The following SLC22A3 variants were observed in gnomAD, a reference collection of about 807,000 sequenced individuals.
SLC22A3 encodes the protein solute carrier family 22 member 3.
A neutral mutation model predicts 59.1 loss-of-function variants in SLC22A3; 51 were observed. That is an observed-to-expected ratio of 0.86 (90% CI 0.69 to 1.09). The LOEUF (loss-of-function observed/expected upper bound fraction) is 1.09, where lower values mean the gene tolerates loss of function less well. SLC22A3 is among the 50% of genes least tolerant of loss of function. The pLI is 0.00. For missense variants in SLC22A3, 711 were observed against 726.3 expected, an observed-to-expected ratio of 0.98 and a Z score of 0.24; for synonymous variants, 325 against 292.0, an observed-to-expected ratio of 1.11 and a Z score of -1.15.
At chr6:160,356,144 G>A (rs1026926592) in intron 1 of SLC22A3, among the ~76,000 whole-genome samples, 3 of 152,342 alleles carry the variant, frequency 2.0e-5, no homozygotes, top group Non-Finnish European at 2.9e-5. Context: ...GCCCTCTACC[G>A]ATGGTGTTGC....
chr6:160,368,771 G>T (rs1785294065), intron 1 of SLC22A3, among the ~76,000 whole-genome samples: 1 of 152,168 alleles, frequency 6.6e-6, no homozygotes, highest in African/African-American at 2.4e-5. Flanking sequence ...CCAGGAATAG[G>T]ATTCCTACTC....
chr6:160,389,308 A>G (rs1786151403), intron 1 of SLC22A3, among the ~76,000 whole-genome samples: 1 of 152,134 alleles, frequency 6.6e-6, no homozygotes, highest in East Asian at 1.9e-4. Context: ...GACTGATCCA[A>G]TCAATGAACG....
intron 1 of SLC22A3, among the ~76,000 whole-genome samples, chr6:160,363,676 T>G (rs1785102475): frequency 6.6e-6 from 1 of 152,176 alleles, no homozygotes; most frequent in Admixed American, 6.5e-5. Context: ...CGCAGAATGC[T>G]GCTTCTCTGT....
chr6:160,405,892 A>G (rs1486012229), intron 2 of SLC22A3, among the ~76,000 whole-genome samples: 1 of 152,162 alleles, frequency 6.6e-6, no homozygotes. Context: ...GACAGTAAAA[A>G]AAAGGATCAG....
chr6:160,404,495 A>G (rs753948652), intron 2 of SLC22A3, among the ~76,000 whole-genome samples: 2 of 152,110 alleles, frequency 1.3e-5, no homozygotes, highest in Non-Finnish European at 2.9e-5. Context: ...AAGACTCAAT[A>G]TTGTCAAGAT....
At chr6:160,370,294 G>A (rs928509751) in intron 1 of SLC22A3, among the ~76,000 whole-genome samples, 1 of 152,244 alleles carries the variant, frequency 6.6e-6, no homozygotes, top group African/African-American at 2.4e-5. Flanking sequence ...GAAAGAGCAT[G>A]TGTGGGGGAC....
At chr6:160,391,585 T>C (rs1437955241) in intron 1 of SLC22A3, among the ~76,000 whole-genome samples, 3 of 152,202 alleles carry the variant, frequency 2.0e-5, no homozygotes, top group African/African-American at 7.2e-5. Context: ...ATCCAGGCTG[T>C]CTGGCTCCAG....
chr6:160,438,114 G>A (rs773113446), intron 7 of SLC22A3, among the ~76,000 whole-genome samples: 1 of 152,020 alleles, frequency 6.6e-6, no homozygotes. Flanking sequence ...GATGAGAGAG[G>A]GTCATTTCAT....
Position 160,430,592 on chromosome 6 carries a change from T to A in SLC22A3, c.976-6188T>A, listed in dbSNP as rs534399385. 2.5e-4 allele frequency among the ~76,000 whole-genome samples: 38 copies of A among 152,322 alleles called. No homozygotes were observed. In the East Asian group the frequency reaches 7.3e-3, roughly 29 times the overall value. Reference sequence around the variant, plus strand: ...GATGGAAAACACAGTCTTGGCAGAATTAAAAGATAATCAAAGAGATGAATA... The same window carrying A: ...GATGGAAAACACAGTCTTGGCAGAAATAAAAGATAATCAAAGAGATGAATA... On this transcript the variant is annotated intron_variant, in intron 5 of 10. Coordinates refer to ENST00000275300, the MANE Select transcript of SLC22A3 (RefSeq NM_021977.4).
At chr6:160,394,752 G>T (rs1334496823) in intron 1 of SLC22A3, among the ~76,000 whole-genome samples, 1 of 152,194 alleles carries the variant, frequency 6.6e-6, no homozygotes, top group Non-Finnish European at 1.5e-5. Context: ...GAGAGGACAG[G>T]GGTCAGGAAG....
rs1784549531 is a variant in SLC22A3 at position 160,348,576 on chromosome 6, G to T, written c.157G>T (p.Gly53Trp). Residue 53 changes from glycine (G) to tryptophan (W), a missense_variant, in exon 1 of 11, where the codon GGG becomes TGG. Coordinates refer to ENST00000275300, the MANE Select transcript of SLC22A3 (RefSeq NM_021977.4). ...GCAGCCCGACCACTACTGGTGCCGC[G>T]GGCCAAGTGCCGCGGCGCTGGCCGA... ...GTQPDHYWCR[G>W]PSAAALAERC... The T allele has an allele frequency of 6.5e-7, 1 of 1,535,478 alleles. No homozygotes were observed. The highest frequency in any genetic ancestry group is 1.2e-5 in the South Asian group (1 of 84,004).
At chr6:160,447,917 A>T in intron 10 of SLC22A3, 99 bp downstream of exon 10, 1 of 935,328 alleles carries the variant, frequency 1.1e-6, no homozygotes, top group Non-Finnish European at 1.7e-6. Context: ...AGGGAAAAAA[A>T]TAAGAATAAA....
intron 2 of SLC22A3, among the ~76,000 whole-genome samples, chr6:160,400,084 A>ATTTTTTTTTT (rs760874011): frequency 8.4e-5 from 8 of 95,410 alleles, no homozygotes; most frequent in African/African-American, 3.3e-4. Flanking sequence ...AGCTTTTGTG[A>ATTTTTTTTTT]TTTTTTTTTT....
chr6:160,378,424 C>T (rs1182440918), intron 1 of SLC22A3, among the ~76,000 whole-genome samples: 1 of 152,244 alleles, frequency 6.6e-6, no homozygotes, highest in Non-Finnish European at 1.5e-5. Context: ...AAAAGGTACA[C>T]GTGTTACTGC....
intron 5 of SLC22A3, among the ~76,000 whole-genome samples, chr6:160,431,984 G>A (rs1192206364): frequency 6.6e-6 from 1 of 152,172 alleles, no homozygotes; most frequent in Non-Finnish European, 1.5e-5. Flanking sequence ...CTGTTGACAG[G>A]ATAGCTTCAT....
chr6:160,405,396 A>G (rs1204762456), intron 2 of SLC22A3, among the ~76,000 whole-genome samples: 2 of 152,108 alleles, frequency 1.3e-5, no homozygotes, highest in African/African-American at 2.4e-5. Flanking sequence ...ATCCAGAACA[A>G]TGCCAACACC....
At chr6:160,373,061 T>C (rs1785457171) in intron 1 of SLC22A3, among the ~76,000 whole-genome samples, 2 of 152,344 alleles carry the variant, frequency 1.3e-5, no homozygotes, top group South Asian at 4.1e-4. Context: ...CAAGGACTTG[T>C]GATCCCTTGG....
At chr6:160,368,052 T>C (rs1340091634) in intron 1 of SLC22A3, among the ~76,000 whole-genome samples, 1 of 152,040 alleles carries the variant, frequency 6.6e-6, no homozygotes, top group African/African-American at 2.4e-5. Context: ...GTTCCCGGTG[T>C]CCTGATATTG....
rs58189795 is a variant in SLC22A3 at position 160,404,200 on chromosome 6, CAA to C, written c.534-2831_534-2830del. On this transcript the variant is annotated intron_variant, in intron 2 of 10. Transcript: ENST00000275300. ...CAAAAGAATTAACAACAACAACAACCAAAAAAAAAAACTCCTGAAACTAATAA... is the reference window on the plus strand; with the variant it reads ...CAAAAGAATTAACAACAACAACAACCAAAAAAAAACTCCTGAAACTAATAA... 1.1e-4 allele frequency among the ~76,000 whole-genome samples: 16 copies of C among 149,694 alleles called. No homozygotes were observed. In the East Asian group the frequency reaches 1.8e-3, roughly 16 times the overall value.
Sources: gnomAD v4.1 joint callset for allele counts (sites outside exome capture counted in the v4.1 genomes callset) on GRCh38, gnomAD v4.1.1 for gene constraint, MANE v1.5 for transcripts, NCBI Gene and HGNC (gene_info 2026-07-23, HGNC 2026-07-21) for gene names.